RIMBP2: variants seen among roughly 807,000 people sequenced by gnomAD.
RIMBP2 encodes the protein RIMS-binding protein 2.
Under a neutral mutation model 118.6 loss-of-function variants are expected in RIMBP2, and 48 were observed. That is an observed-to-expected ratio of 0.40 (90% CI 0.32 to 0.51). The LOEUF is 0.51. Among genes scored for constraint, RIMBP2 ranks in the 20% least tolerant of loss-of-function variants. The pLI is 0.41. For missense variants in RIMBP2, 1,551 were observed against 1,768.3 expected, an observed-to-expected ratio of 0.88 and a Z score of 2.20; for synonymous variants, 762 against 742.9, an observed-to-expected ratio of 1.03 and a Z score of -0.42.
In RIMBP2 at chr12:130,442,926, C is replaced by T. The variant is rs1044110111; in HGVS notation, c.692-266G>A. On this transcript the variant is annotated intron_variant, in intron 10 of 22. Transcript: ENST00000690449. The surrounding 1 kb of genome is among the most constrained non-coding windows in gnomAD (Gnocchi z 6.9). ...ACCATCATGTTTGTGTATCCGTGTA[C>T]GTACACTGACTACCCCCTCCCAACA... 6.6e-6 allele frequency among the ~76,000 whole-genome samples: 1 copy of T among 152,146 alleles called. No individual in the cohort carries two copies. The highest frequency in any genetic ancestry group is 1.5e-5 in the Non-Finnish European group (1 of 68,040).
chr12:130,580,028 C>CAAAAA (rs55653381), intron 2 of RIMBP2, among the ~76,000 whole-genome samples: 4 of 116,524 alleles, frequency 3.4e-5, no homozygotes, highest in Admixed American at 9.3e-5. Context: ...ACCAAAAATA[C>CAAAAA]AAAAAAAAAA....
chr12:130,423,565 C>T (rs544001162), intron 16 of RIMBP2, among the ~76,000 whole-genome samples: 44 of 144,654 alleles, frequency 3.0e-4, no homozygotes, highest in Admixed American at 1.0e-3. Flanking sequence ...GCAGGGCCGG[C>T]GGGGAGAAGG....
Position 130,604,582 on chromosome 12 carries a change from C to CTTTTTTTTTTTTTTTTTTTTT in RIMBP2, c.-217+23739_-217+23740insAAAAAAAAAAAAAAAAAAAAA, listed in dbSNP as rs777097560. Among the ~76,000 whole-genome samples the CTTTTTTTTTTTTTTTTTTTTT allele has an allele frequency of 3.0e-5, 2 of 67,268 alleles. 1 individual carries two copies. The highest frequency in any genetic ancestry group is 5.4e-5 in the Non-Finnish European group (2 of 36,722). 44.1% of individuals were successfully genotyped at this position (67,268 alleles called of 152,430 possible). ...AGTGCCCTATACAGATGCCCCTTTT[C>CTTTTTTTTTTTTTTTTTTTTT]TTTCTTTTTTTTTTTTTTTGAGACA... is the stretch of plus-strand genomic sequence containing the variant. On this transcript the variant is annotated intron_variant, in intron 2 of 22. Coordinates refer to ENST00000690449, the MANE Select transcript of RIMBP2 (RefSeq NM_001393629.1).
intron 2 of RIMBP2, among the ~76,000 whole-genome samples, chr12:130,557,578 G>A (rs2056470112): frequency 6.6e-6 from 1 of 152,152 alleles, no homozygotes; most frequent in Non-Finnish European, 1.5e-5. Flanking sequence ...CGGACTCTGA[G>A]CAGAAGTCTT....
rs1006250284 is a variant in RIMBP2, at chr12:130,661,911, G to A, written c.-351-33455C>T. On this transcript the variant is annotated intron_variant, in intron 1 of 22. Transcript: ENST00000690449. ...CCAGAACTCTGAAAGTCTGGACTGT[G>A]TTCCCTCTTCTCTGCACTATTTCTG... Among the ~76,000 whole-genome samples, 4 of 152,210 alleles carry A rather than the reference G, an allele frequency of 2.6e-5. No individual in the cohort carries two copies. In the South Asian group the frequency reaches 8.3e-4, roughly 32 times the overall value.
intron 12 of RIMBP2, 30 bp downstream of exon 12, chr12:130,438,335 A>ACGGGGGGC: frequency 2.3e-6 from 2 of 865,012 alleles, no homozygotes; most frequent in Non-Finnish European, 3.8e-6. Flanking sequence ...GGCCTAACAA[A>ACGGGGGGC]CCCTCCCCAC....
At chr12:130,609,136 C>T (rs906102171) in intron 2 of RIMBP2, among the ~76,000 whole-genome samples, 6 of 152,100 alleles carry the variant, frequency 3.9e-5, no homozygotes, top group African/African-American at 1.2e-4. Context: ...GGAATGGCCA[C>T]GAGCCCACTA....
intron 22 of RIMBP2, chr12:130,398,238 G>A (rs915299356): frequency 3.3e-5 from 5 of 152,156 alleles, no homozygotes; most frequent in African/African-American, 9.7e-5. Flanking sequence ...GCTGCAGGAC[G>A]ACTTCACCTC....
chr12:130,580,484 A>G (rs2058395935), intron 2 of RIMBP2, among the ~76,000 whole-genome samples: 1 of 152,228 alleles, frequency 6.6e-6, no homozygotes. Context: ...AGGCCTCCAC[A>G]GCCATGTGGA....
At chr12:130,507,971 A>G (rs566557596) in intron 3 of RIMBP2, among the ~76,000 whole-genome samples, 1 of 152,342 alleles carries the variant, frequency 6.6e-6, no homozygotes, top group South Asian at 2.1e-4. Context: ...ACAGGGTTAC[A>G]GGAAAGCTGT....
chr12:130,584,087 C>CATCA (rs2058672148), intron 2 of RIMBP2, among the ~76,000 whole-genome samples: 1 of 151,722 alleles, frequency 6.6e-6, no homozygotes, highest in Admixed American at 6.6e-5. Flanking sequence ...ACCTCACCAC[C>CATCA]ATCACCTCAT....
intron 2 of RIMBP2, among the ~76,000 whole-genome samples, chr12:130,564,790 C>T (rs1475018133): frequency 2.6e-5 from 4 of 152,082 alleles, no homozygotes; most frequent in Admixed American, 2.6e-4. Context: ...TGCATTAGTT[C>T]CAGAGATCTG....
At chr12:130,599,772 G>A (rs561651265) in intron 2 of RIMBP2, among the ~76,000 whole-genome samples, 5 of 152,124 alleles carry the variant, frequency 3.3e-5, no homozygotes, top group East Asian at 1.9e-4. Context: ...GCACACCTAC[G>A]TATATCCAGC....
intron 1 of RIMBP2, chr12:130,633,769 G>A (rs1303766856): frequency 2.6e-5 from 4 of 152,140 alleles, no homozygotes; most frequent in Admixed American, 6.6e-5. Context: ...ATTAACCCAC[G>A]GGGCTCTTTC....
chr12:130,447,910 A>T lies in RIMBP2; in HGVS notation c.581+2290T>A, dbSNP rs1361678160. Among the ~76,000 whole-genome samples the T allele has an allele frequency of 2.0e-5, 3 of 152,162 alleles. No individual in the cohort carries two copies. Among genetic ancestry groups the T allele is most frequent in the Non-Finnish European group, 4.4e-5 (3 of 68,020 alleles). ...GGTGAGCAAGAGGCTTTCGGTTTGC[A>T]GAAATGTCTAAGCAGGTTGCTGAAT... On this transcript the variant is annotated intron_variant, in intron 9 of 22. Transcript: ENST00000690449. This position sits in a 1 kb window ranked among gnomAD's most constrained non-coding sequence, Gnocchi z 4.4.
intron 2 of RIMBP2, among the ~76,000 whole-genome samples, chr12:130,590,763 G>A (rs1057108124): frequency 3.9e-5 from 6 of 152,180 alleles, no homozygotes; most frequent in Admixed American, 6.5e-5. Context: ...TTGAAGGAAT[G>A]CGGTTTTTAA....
At chr12:130,560,132 G>A (rs148099211) in intron 2 of RIMBP2, among the ~76,000 whole-genome samples, 4 of 152,272 alleles carry the variant, frequency 2.6e-5, no homozygotes, top group African/African-American at 7.2e-5. Context: ...TCTCCCAGAC[G>A]GAGGCAAAAA....
At chr12:130,668,583 T>C (rs1402279625) in intron 1 of RIMBP2, 2 of 152,328 alleles carry the variant, frequency 1.3e-5, no homozygotes, top group Non-Finnish European at 2.9e-5. Context: ...GAAAGAACAC[T>C]CGGGGGCCAT....
intron 1 of RIMBP2, among the ~76,000 whole-genome samples, chr12:130,709,642 G>A (rs972114255): frequency 7.2e-5 from 11 of 152,192 alleles, no homozygotes; most frequent in Non-Finnish European, 1.0e-4. Flanking sequence ...TCCGTCCAAG[G>A]AGGTACAGGG....
Sources: gnomAD v4.1 joint callset for allele counts (sites outside exome capture counted in the v4.1 genomes callset) on GRCh38, gnomAD v4.1.1 for gene constraint, Gnocchi (gnomAD v3.1) non-coding constraint, MANE v1.5 for transcripts, NCBI Gene and HGNC (gene_info 2026-07-23, HGNC 2026-07-21) for gene names.